The following ASTN2 variants were observed in gnomAD, a reference collection of about 807,000 sequenced individuals.
The protein encoded by ASTN2 is astrotactin 2.
ASTN2 carries 54 observed loss-of-function variants against 139.8 expected under a neutral mutation model. The ratio of observed to expected loss-of-function variants is 0.39; its 90% confidence interval spans 0.31 to 0.48. The LOEUF (loss-of-function observed/expected upper bound fraction) is 0.48. ASTN2 is among the 20% of genes least tolerant of loss of function. ASTN2 has a pLI of 0.95. For missense variants in ASTN2, 1,565 were observed against 1,725.1 expected (o/e 0.91, Z 1.64); for synonymous variants, 756 against 719.5 (o/e 1.05, Z -0.81).
chr9:117,223,013 T>C (rs1273205998), intron 2 of ASTN2, among the ~76,000 whole-genome samples: 3 of 152,172 alleles, frequency 2.0e-5, no homozygotes, highest in Non-Finnish European at 4.4e-5. Flanking sequence ...AGGGAGCAGC[T>C]GGAGAATAAG....
At chr9:116,924,104 A>G (rs1470103022) in intron 10 of ASTN2, among the ~76,000 whole-genome samples, 1 of 152,074 alleles carries the variant, frequency 6.6e-6, no homozygotes, top group Non-Finnish European at 1.5e-5. Context: ...AGGAAAGTAA[A>G]GGAATAAAAA....
intron 16 of ASTN2, among the ~76,000 whole-genome samples, chr9:116,676,866 T>C (rs1859537508): frequency 6.6e-6 from 1 of 152,230 alleles, no homozygotes; most frequent in Non-Finnish European, 1.5e-5. Context: ...AGTTTCTGAT[T>C]TCCTCTCTTG....
chr9:116,565,910 C>T (rs10759849), intron 19 of ASTN2, among the ~76,000 whole-genome samples: 56,678 of 151,880 alleles, frequency 0.37, 10,823 homozygotes, highest in South Asian at 0.56. Flanking sequence ...CCTTCGATTA[C>T]AAGTACATAT....
intron 6 of ASTN2, among the ~76,000 whole-genome samples, chr9:117,039,459 T>G (rs938122320): frequency 6.6e-6 from 1 of 151,982 alleles, no homozygotes; most frequent in Non-Finnish European, 1.5e-5. Context: ...TGGAGAGCAT[T>G]AGCACAAATA....
chr9:116,971,885 T>C (rs1836218794), intron 10 of ASTN2, among the ~76,000 whole-genome samples: 1 of 152,116 alleles, frequency 6.6e-6, no homozygotes, highest in Admixed American at 6.5e-5. Flanking sequence ...AAACCACAAC[T>C]CCAGAAAAAC....
chr9:117,375,078 C>T (rs568472571), intron 1 of ASTN2, among the ~76,000 whole-genome samples: 35 of 152,314 alleles, frequency 2.3e-4, no homozygotes, highest in African/African-American at 7.0e-4. Context: ...CAAATTCCCT[C>T]CCAGCACGTT....
At chr9:116,838,961 A>C (rs62563540) in intron 11 of ASTN2, among the ~76,000 whole-genome samples, 9 of 152,340 alleles carry the variant, frequency 5.9e-5, no homozygotes, top group Admixed American at 3.9e-4. Context: ...TTAAGACATC[A>C]CAAGGATGCC....
intron 10 of ASTN2, among the ~76,000 whole-genome samples, chr9:116,881,097 G>C (rs1833440245): frequency 6.6e-6 from 1 of 152,164 alleles, no homozygotes; most frequent in Admixed American, 6.5e-5. Flanking sequence ...ATGGCTGCTA[G>C]ACGACAGCAC....
intron 19 of ASTN2, among the ~76,000 whole-genome samples, chr9:116,560,335 G>A (rs1016469090): frequency 6.6e-6 from 1 of 152,148 alleles, no homozygotes; most frequent in African/African-American, 2.4e-5. Context: ...TAACTGCGGA[G>A]GCAGTGATTA....
At chr9:117,279,856 G>A (rs1241301251) in intron 2 of ASTN2, among the ~76,000 whole-genome samples, 2 of 152,046 alleles carry the variant, frequency 1.3e-5, no homozygotes, top group African/African-American at 2.4e-5. Flanking sequence ...CCTTGGCTTG[G>A]GCTACATAAT....
At chr9:116,467,190 C>T (rs1040486382) in intron 20 of ASTN2, among the ~76,000 whole-genome samples, 1 of 152,126 alleles carries the variant, frequency 6.6e-6, no homozygotes, top group African/African-American at 2.4e-5. Flanking sequence ...CATCTTCATA[C>T]CCCTCATAAG....
At chr9:116,830,870 A>T (rs1438355011) in intron 11 of ASTN2, among the ~76,000 whole-genome samples, 4 of 152,054 alleles carry the variant, frequency 2.6e-5, no homozygotes, top group Non-Finnish European at 5.9e-5. Flanking sequence ...ATAACATACG[A>T]GTGCTATTTC....
rs973107584 is a variant in ASTN2 at position 116,687,342 on chromosome 9, G to C, written c.2807-35549C>G. ...GTGCGCAGAGGGAGGCAGGCGGGTG[G>C]GCTGCCGGCGGTGGACTCGTCGGAG... is the stretch of plus-strand genomic sequence containing the variant. On this transcript the variant is annotated intron_variant, in intron 16 of 22. Coordinates refer to ENST00000313400, the MANE Select transcript of ASTN2 (RefSeq NM_001365068.1). 8 of 903,402 alleles carry C rather than the reference G, an allele frequency of 8.9e-6. No homozygotes were observed. In the South Asian group the frequency reaches 3.6e-4, roughly 40 times the overall value. The allele number at this position is 903,402 out of a possible 1,614,324, so 56.0% of individuals were successfully genotyped here.
Position 116,618,447 on chromosome 9 carries a change from G to A in ASTN2, c.3232C>T (p.Pro1078Ser). 6.2e-7 allele frequency: 1 copy of A among 1,613,470 alleles called. No homozygotes were observed. Among genetic ancestry groups the A allele is most frequent in the African/African-American group, 1.3e-5 (1 of 75,004 alleles). ...TCCAAGGAGACCACAGTACTGGAGGGCTCCACTGTTGGGGACAGCCGCAGC... is the reference window on the plus strand; with the variant it reads ...TCCAAGGAGACCACAGTACTGGAGGACTCCACTGTTGGGGACAGCCGCAGC... ...PVLRLSPTVE[P>S]SSTVVSLEWV... The change falls in exon 19 of 23, where the codon CCC (proline) becomes TCC (serine). Residue 1078 changes from proline (P) to serine (S), a missense_variant. By Grantham distance (74) the Pro-to-Ser change is moderately conservative. Coordinates refer to ENST00000313400, the MANE Select transcript of ASTN2 (RefSeq NM_001365068.1).
chr9:117,313,897 A>G (rs1336494659), intron 1 of ASTN2, among the ~76,000 whole-genome samples: 1 of 152,074 alleles, frequency 6.6e-6, no homozygotes, highest in African/African-American at 2.4e-5. Context: ...ATTGTATCTG[A>G]ATTTCTCCTT....
intron 1 of ASTN2, among the ~76,000 whole-genome samples, chr9:117,395,437 A>G (rs1359091744): frequency 6.6e-6 from 1 of 152,214 alleles, no homozygotes; most frequent in Non-Finnish European, 1.5e-5. Flanking sequence ...ATAGGTTTTG[A>G]ATTATACTCT....
chr9:116,871,549 A>G (rs1208614137), intron 10 of ASTN2, among the ~76,000 whole-genome samples: 3 of 152,208 alleles, frequency 2.0e-5, no homozygotes, highest in African/African-American at 7.2e-5. Context: ...CTTCATGTAA[A>G]TTAAGTTATA....
Position 116,609,379 on chromosome 9 carries a change from G to GTATATATATATATATATATA in ASTN2, c.3355+8925_3355+8944dup, listed in dbSNP as rs56938236. Among the ~76,000 whole-genome samples, 546 of 116,540 alleles carry GTATATATATATATATATATA rather than the reference G, an allele frequency of 4.7e-3. 8 individuals carry two copies. Among genetic ancestry groups the GTATATATATATATATATATA allele is most frequent in the East Asian group, 5.1e-3 (22 of 4,286 alleles). 76.5% of individuals were successfully genotyped at this position (116,540 alleles called of 152,430 possible). ...ATATACATGAATTATATATATGGGT[G>GTATATATATATATATATATA]TATATATATATATATATATATATAT... On this transcript the variant is annotated intron_variant, in intron 19 of 22. Transcript: ENST00000313400.
chr9:116,499,784 C>T (rs1849794016), intron 19 of ASTN2, among the ~76,000 whole-genome samples: 1 of 152,122 alleles, frequency 6.6e-6, no homozygotes, highest in Admixed American at 6.5e-5. Flanking sequence ...ACAGCAATCC[C>T]ATGAGGCCAC....
Sources: gnomAD v4.1 joint callset for allele counts (sites outside exome capture counted in the v4.1 genomes callset) on GRCh38, gnomAD v4.1.1 for gene constraint, MANE v1.5 for transcripts, NCBI Gene and HGNC (gene_info 2026-07-23, HGNC 2026-07-21) for gene names.